TFDP1: variants seen among roughly 807,000 people sequenced by gnomAD.
TFDP1 encodes transcription factor Dp-1, also known as DRTF1-polypeptide 1.
A neutral mutation model predicts 48.0 loss-of-function variants in TFDP1; 6 were observed. The ratio of observed to expected loss-of-function variants is 0.13; its 90% CI spans 0.07 to 0.25. The LOEUF is 0.25. TFDP1 is among the 10% of genes least tolerant of loss of function. The probability of loss-of-function intolerance (pLI) is 1.00; values close to 1 mark genes in which losing one functional copy is unlikely to be tolerated. For missense variants in TFDP1, 335 were observed against 543.0 expected (o/e 0.62, Z 3.81); for synonymous variants, 201 against 211.6 (o/e 0.95, Z 0.44).
intron 4 of TFDP1, among the ~76,000 whole-genome samples, chr13:113,624,873 T>C (rs1445888768): frequency 1.5e-3 from 157 of 101,542 alleles, no homozygotes; most frequent in East Asian, 3.7e-3. Flanking sequence ...CCTCAGGTGT[T>C]TCTCAGGTGT....
intron 5 of TFDP1, among the ~76,000 whole-genome samples, chr13:113,632,179 C>G (rs544040891): frequency 6.6e-6 from 1 of 152,366 alleles, no homozygotes; most frequent in South Asian, 2.1e-4. Context: ...CAGAGCTGCT[C>G]CTTCCACTAA....
At chr13:113,630,869 C>T (rs1270352855) in intron 4 of TFDP1, among the ~76,000 whole-genome samples, 4 of 29,448 alleles carry the variant, frequency 1.4e-4, no homozygotes, top group African/African-American at 2.4e-4. Context: ...TGGGGTGGGG[C>T]GGGTGGGTCA....
chr13:113,591,538 T>C (rs1337934620), intron 2 of TFDP1, among the ~76,000 whole-genome samples: 2 of 152,224 alleles, frequency 1.3e-5, no homozygotes, highest in Non-Finnish European at 2.9e-5. Context: ...AAACCTCACC[T>C]TTGGTGCACA....
chr13:113,613,572 G>A (rs1007787399), intron 3 of TFDP1, among the ~76,000 whole-genome samples: 1 of 115,388 alleles, frequency 8.7e-6, no homozygotes, highest in Non-Finnish European at 1.7e-5. Flanking sequence ...GTGCATACGA[G>A]TGTGTGTGTG....
chr13:113,615,458 A>G (rs544287966), intron 3 of TFDP1, among the ~76,000 whole-genome samples: 158 of 152,228 alleles, frequency 1.0e-3, no homozygotes, highest in Non-Finnish European at 1.8e-3. Flanking sequence ...GATGTGTGCA[A>G]TCCTGCCCGG....
At chr13:113,622,604 C>CT (rs1423814451) in intron 3 of TFDP1, among the ~76,000 whole-genome samples, 1 of 152,212 alleles carries the variant, frequency 6.6e-6, no homozygotes, top group African/African-American at 2.4e-5. Context: ...TCCCTAGGAC[C>CT]TTTTGCATAC....
chr13:113,625,962 A>T (rs1396988964), intron 4 of TFDP1, among the ~76,000 whole-genome samples: 1 of 142,788 alleles, frequency 7.0e-6, no homozygotes, highest in African/African-American at 2.7e-5. Context: ...ACGTGTCCTC[A>T]GGCGTCTCTC....
intron 2 of TFDP1, 77 bp from the exon 3 acceptor site, chr13:113,610,919 G>T: frequency 7.5e-7 from 1 of 1,331,236 alleles, no homozygotes; most frequent in Non-Finnish European, 1.1e-6. Context: ...TAGAACCCTT[G>T]AGGGTGGTTT....
In TFDP1 at chr13:113,623,222, C is replaced by G; in HGVS notation, c.122C>G (p.Pro41Arg). ...GCCGTTCACCCCTCCACCGTCAACC[C>G]GCTCGGGAAGCAGCTCTTGCCAAAA... ...LVAVHPSTVNPLGKQLLPKTF... is the reference protein window; with the variant it reads ...LVAVHPSTVNRLGKQLLPKTF... The change falls in exon 4 of 12, where the codon CCG becomes CGG. Residue 41 changes from proline (P) to arginine (R), a missense_variant. Physicochemically the swap from Pro to Arg is moderately radical, Grantham distance 103. This residue lies in a region of TFDP1 where 103 missense variants were observed against 140.4 expected (regional missense o/e 0.73). Transcript: ENST00000375370. This position sits in a 1 kb window ranked among gnomAD's most constrained non-coding sequence, Gnocchi z 5.2. 6.2e-7 allele frequency: 1 copy of G among 1,613,748 alleles called. No homozygotes were observed. Among genetic ancestry groups the G allele is most frequent in the Non-Finnish European group, 8.5e-7 (1 of 1,179,818 alleles).
In TFDP1 at chr13:113,636,060, C is replaced by T. The variant is rs775395288; in HGVS notation, c.771C>T (p.Ile257=). 2 of 1,614,238 alleles carry T rather than the reference C, an allele frequency of 1.2e-6. No homozygotes were observed. Among genetic ancestry groups the T allele is most frequent in the Admixed American group, 3.3e-5 (2 of 60,030 alleles). The change falls in exon 9 of 12, where the codon ATC becomes ATT. Residue 257 remains isoleucine, a synonymous_variant. Transcript: ENST00000375370. ...ASRPPPPNSV[I]HLPFIIVNTS... ...GGCCACCGCCACCCAACTCAGTCAT[C>T]CACCTGCCCTTCATCATCGTCAACA...
At chr13:113,611,917 A>G (rs2048717754) in intron 3 of TFDP1, among the ~76,000 whole-genome samples, 1 of 152,214 alleles carries the variant, frequency 6.6e-6, no homozygotes, top group South Asian at 2.1e-4. Flanking sequence ...TGGTCGCAAC[A>G]TCCACGTGGT....
rs1420793737 is a variant in TFDP1 at position 113,598,774 on chromosome 13, G to A, written c.13-12222G>A. ...TGGCTCACACTGTGGTTCTGTGGCC[G>A]CCGTCCCTCTGTCCGCTCGGGGTAG... is the stretch of plus-strand genomic sequence containing the variant. On this transcript the variant is annotated intron_variant, in intron 2 of 11. Transcript: ENST00000375370. This position sits in a 1 kb window ranked among gnomAD's most constrained non-coding sequence, Gnocchi z 4.2. Among the ~76,000 whole-genome samples, 1 of 152,158 alleles carries A rather than the reference G, an allele frequency of 6.6e-6. No individual in the cohort carries two copies. Among genetic ancestry groups the A allele is most frequent in the Non-Finnish European group, 1.5e-5 (1 of 68,028 alleles).
At chr13:113,615,825 T>G (rs2140433835) in intron 3 of TFDP1, among the ~76,000 whole-genome samples, 1 of 152,132 alleles carries the variant, frequency 6.6e-6, no homozygotes, top group African/African-American at 2.4e-5. Context: ...GGCAGGAGGA[T>G]CGCTTGAGCC....
At chr13:113,594,515 C>T (rs1188044055) in intron 2 of TFDP1, among the ~76,000 whole-genome samples, 3 of 151,366 alleles carry the variant, frequency 2.0e-5, no homozygotes, top group African/African-American at 4.9e-5. Context: ...GGGTCCTCAG[C>T]CCTGCCCAGG....
intron 5 of TFDP1, among the ~76,000 whole-genome samples, chr13:113,632,755 G>A (rs1044399419): frequency 2.6e-5 from 4 of 152,204 alleles, no homozygotes; most frequent in Admixed American, 6.5e-5. Flanking sequence ...TCCAGCCCAC[G>A]ACAGAGCGAG....
intron 2 of TFDP1, among the ~76,000 whole-genome samples, chr13:113,605,089 C>T (rs1202953540): frequency 4.6e-5 from 7 of 151,768 alleles, no homozygotes; most frequent in Non-Finnish European, 1.5e-5. Context: ...TCGTCACTGT[C>T]TTTTTTAGGG....
At chr13:113,594,467 A>ACAGGTGTGGTGTGCGCGGG (rs2048236201) in intron 2 of TFDP1, among the ~76,000 whole-genome samples, 1 of 78,374 alleles carries the variant, frequency 1.3e-5, no homozygotes, top group African/African-American at 6.1e-5. Context: ...CTGTGTGCTG[A>ACAGGTGTGGTGTGCGCGGG]TCCTCAGCCC....
At chr13:113,638,126 C>G (rs376778293) in intron 11 of TFDP1, among the ~76,000 whole-genome samples, 2 of 151,716 alleles carry the variant, frequency 1.3e-5, no homozygotes, top group African/African-American at 4.8e-5. Context: ...GTTTTTTTTT[C>G]ATAGTATCAC....
chr13:113,635,155 T>C (rs1190921083), intron 8 of TFDP1, among the ~76,000 whole-genome samples: 3 of 152,046 alleles, frequency 2.0e-5, no homozygotes, highest in African/African-American at 7.2e-5. Flanking sequence ...CCACCTCCCA[T>C]TGAGTGCTGA....
Sources: gnomAD v4.1 joint callset for allele counts (sites outside exome capture counted in the v4.1 genomes callset) on GRCh38, gnomAD v4.1.1 for gene constraint, gnomAD v4.1.1 regional missense constraint, Gnocchi (gnomAD v3.1) non-coding constraint, MANE v1.5 for transcripts, NCBI Gene and HGNC (gene_info 2026-07-23, HGNC 2026-07-21) for gene names.